Variants in RANBP9 observed in about 807,000 individuals in gnomAD.
RANBP9 encodes ran-binding protein 9.
A neutral mutation model predicts 84.3 loss-of-function variants in RANBP9; 15 were observed. The ratio of observed to expected loss-of-function variants is 0.18; its 90% CI spans 0.12 to 0.27. The LOEUF is 0.27. Among genes scored for constraint, RANBP9 ranks in the 10% least tolerant of loss-of-function variants. The probability of loss-of-function intolerance (pLI) is 1.00; values close to 1 mark genes in which losing one functional copy is unlikely to be tolerated. For missense variants in RANBP9, 809 were observed against 912.8 expected (o/e 0.89, Z 1.46); for synonymous variants, 392 against 349.6 (o/e 1.12, Z -1.35).
intron 2 of RANBP9, among the ~76,000 whole-genome samples, chr6:13,695,826 A>C (rs1470332262): frequency 6.6e-6 from 1 of 152,170 alleles, no homozygotes; most frequent in East Asian, 1.9e-4. Context: ...GAGAATATTC[A>C]GCCGATAAAG....
chr6:13,686,067 C>CT lies in RANBP9; in HGVS notation c.683+10717dup, dbSNP rs913061535. Among the ~76,000 whole-genome samples the CT allele has an allele frequency of 4.5e-5, 6 of 134,778 alleles. No homozygotes were observed. The East Asian group carries it at 7.3e-4, about 16-fold the overall frequency. 88.4% of individuals were successfully genotyped at this position (134,778 alleles called of 152,430 possible). Reference sequence around the variant, plus strand: ...TTTTCTCCCTTACATTTTTTCTGTACTTTTTTTTCTTTCCTGAATTTCCAA... The same window carrying CT: ...TTTTCTCCCTTACATTTTTTCTGTACTTTTTTTTTCTTTCCTGAATTTCCAA... On this transcript the variant is annotated intron_variant, in intron 2 of 13. Coordinates refer to ENST00000011619, the MANE Select transcript of RANBP9 (RefSeq NM_005493.3).
intron 1 of RANBP9, among the ~76,000 whole-genome samples, chr6:13,706,029 G>A (rs904276250): frequency 6.6e-6 from 1 of 152,026 alleles, no homozygotes; most frequent in Non-Finnish European, 1.5e-5. Flanking sequence ...GCTAATGACT[G>A]GGGGTACAGG....
chr6:13,658,270 A>G (rs1460714694), intron 3 of RANBP9, among the ~76,000 whole-genome samples: 4 of 129,464 alleles, frequency 3.1e-5, no homozygotes, highest in African/African-American at 1.1e-4. Flanking sequence ...CATGATATAT[A>G]TACTATATGT....
chr6:13,676,237 AT>A (rs577042360), intron 2 of RANBP9, among the ~76,000 whole-genome samples: 2,009 of 151,278 alleles, frequency 0.013, 21 homozygotes, highest in African/African-American at 0.014. Flanking sequence ...TGCATTCATT[AT>A]TTTTTTTTAT....
At chr6:13,681,673 T>TA (rs1396005002) in intron 2 of RANBP9, among the ~76,000 whole-genome samples, 1 of 152,160 alleles carries the variant, frequency 6.6e-6, no homozygotes, top group Non-Finnish European at 1.5e-5. Flanking sequence ...CCATCCCCAT[T>TA]TAACCACTTC....
rs753343287 is a variant in RANBP9 at position 13,647,529 on chromosome 6, CAT to C, written c.928-2802_928-2801del. Among the ~76,000 whole-genome samples the C allele has an allele frequency of 2.0e-5, 3 of 152,000 alleles. No individual in the cohort carries two copies. In the East Asian group the frequency reaches 5.8e-4, roughly 29 times the overall value. On this transcript the variant is annotated intron_variant, in intron 5 of 13. Coordinates refer to ENST00000011619, the MANE Select transcript of RANBP9 (RefSeq NM_005493.3). ...CTATACACACTAAAGCAAGGTATAA[CAT>C]ATTGTATATGGTATGACCCTATCTT...
intron 4 of RANBP9, among the ~76,000 whole-genome samples, 198 bp downstream of exon 4, chr6:13,656,911 A>C (rs1244200271): frequency 2.0e-5 from 3 of 152,174 alleles, no homozygotes; most frequent in African/African-American, 7.2e-5. Flanking sequence ...TGTATTATAT[A>C]GATGGCCTTC....
rs141676548 is a variant in RANBP9, at chr6:13,672,003, A to G, written c.684-13171T>C. Among the ~76,000 whole-genome samples, 574 of 152,264 alleles carry G rather than the reference A, an allele frequency of 3.8e-3. 3 individuals carry two copies. The highest frequency in any genetic ancestry group is 0.013 in the African/African-American group (559 of 41,554). On this transcript the variant is annotated intron_variant, in intron 2 of 13. Transcript: ENST00000011619. The stretch of plus-strand genomic sequence containing the variant: ...GACATATGGAGCTATATTTACTCTA[A>G]AGCCAATAACTGGAAGGAACACTTT...
intron 1 of RANBP9, among the ~76,000 whole-genome samples, chr6:13,697,790 A>T (rs1757876716): frequency 6.6e-6 from 1 of 152,230 alleles, no homozygotes; most frequent in Non-Finnish European, 1.5e-5. Context: ...TATGAGTGAG[A>T]CAAGTCTCCA....
Position 13,632,378 on chromosome 6 carries a change from T to C in RANBP9, c.1939A>G (p.Met647Val). The C allele has an allele frequency of 1.2e-6, 2 of 1,603,756 alleles. No homozygotes were observed. The highest frequency in any genetic ancestry group is 1.7e-4 in the Middle Eastern group (1 of 6,020). Residue 647 changes from methionine (M) to valine (V), a missense_variant, in exon 12 of 14, where the codon ATG becomes GTG. Coordinates refer to ENST00000011619, the MANE Select transcript of RANBP9 (RefSeq NM_005493.3). ...AGAAAAAATATATTCACCTTCAACA[T>C]TTTTTTGTTTGCAGTGTTCTTGCCA... is the stretch of plus-strand genomic sequence containing the variant. The part of the protein sequence containing the change: ...DCGKNTANKK[M>V]LKDAFSLLAY...
In RANBP9 at chr6:13,647,506, A is replaced by G. The variant is rs146642113; in HGVS notation, c.928-2777T>C. Among the ~76,000 whole-genome samples the G allele has an allele frequency of 2.2e-3, 338 of 152,314 alleles. 4 individuals are homozygous for G. The East Asian group carries it at 0.025, about 11-fold the overall frequency. On this transcript the variant is annotated intron_variant, in intron 5 of 13. Coordinates refer to ENST00000011619, the MANE Select transcript of RANBP9 (RefSeq NM_005493.3). ...ATATATGGACACAGAAAGATGTCCT[A>G]TACACACTAAAGCAAGGTATAACAT... is the stretch of plus-strand genomic sequence containing the variant.
chr6:13,677,953 A>G (rs1765934607), intron 2 of RANBP9, among the ~76,000 whole-genome samples: 1 of 152,064 alleles, frequency 6.6e-6, no homozygotes, highest in Admixed American at 6.6e-5. Flanking sequence ...CCCCGTCTCT[A>G]CATAAAATAT....
At chr6:13,698,813 A>G (rs1031532518) in intron 1 of RANBP9, among the ~76,000 whole-genome samples, 1 of 152,196 alleles carries the variant, frequency 6.6e-6, no homozygotes, top group African/African-American at 2.4e-5. Context: ...CATACTGCTA[A>G]AAGCGAATTC....
intron 2 of RANBP9, among the ~76,000 whole-genome samples, chr6:13,691,662 G>C (rs762613736): frequency 6.0e-5 from 9 of 151,098 alleles, no homozygotes; most frequent in Non-Finnish European, 1.2e-4. Flanking sequence ...TTTTTTGTTT[G>C]TTTGTATGTT....
chr6:13,643,218 A>G (rs535250511), intron 6 of RANBP9, among the ~76,000 whole-genome samples: 1 of 152,324 alleles, frequency 6.6e-6, no homozygotes, highest in South Asian at 2.1e-4. Context: ...GATTTATCAA[A>G]TATGGTTTAC....
At chr6:13,706,728 G>T (rs1026580891) in intron 1 of RANBP9, among the ~76,000 whole-genome samples, 2 of 149,204 alleles carry the variant, frequency 1.3e-5, no homozygotes, top group Non-Finnish European at 3.0e-5. Flanking sequence ...CAGGCCAGGC[G>T]CAGTGGCTCA....
rs1241933518 is a variant in RANBP9 at position 13,711,422 on chromosome 6, G to A, written c.84C>T (p.Ala28=). 2.9e-5 allele frequency: 34 copies of A among 1,191,780 alleles called. No homozygotes were observed. Among genetic ancestry groups the A allele is most frequent in the Admixed American group, 9.0e-5 (2 of 22,280 alleles). The allele number at this position is 1,191,780 out of a possible 1,614,324, so 73.8% of individuals were successfully genotyped here. A position where few individuals can be genotyped will look rare whatever the true frequency, so the allele number is the denominator to read the frequency against. The change falls in exon 1 of 14, where the codon GCC becomes GCT. Residue 28 remains alanine (A), a synonymous_variant. Transcript: ENST00000011619. ...QLSPPPPAAL[A]PVSGVVLPAP... ...CCGGCAGGACGACTCCGGAGACTGG[G>A]GCCAAGGCCGCCGGCGGTGGCGGCG...
intron 2 of RANBP9, among the ~76,000 whole-genome samples, chr6:13,690,292 T>C (rs1324693677): frequency 6.6e-6 from 1 of 152,230 alleles, no homozygotes; most frequent in Non-Finnish European, 1.5e-5. Flanking sequence ...GTGTTCAACA[T>C]ATATTTGTTA....
Position 13,711,098 on chromosome 6 carries a change from C to T in RANBP9, c.408G>A (p.Gly136=). 1.9e-6 allele frequency: 3 copies of T among 1,567,756 alleles called. No homozygotes were observed. The highest frequency in any genetic ancestry group is 2.4e-5 in the East Asian group (1 of 41,976). The stretch of plus-strand genomic sequence containing the variant: ...TCTCCTGCTCGTTCAGGGCCGAGTC[C>T]CCGTGAGGGAAGGGGGCCGCGGCGC... ...GSSAAAPFPH[G]DSALNEQEKE... Residue 136 remains glycine (G), a synonymous_variant, in exon 1 of 14, where the codon GGG becomes GGA. Transcript: ENST00000011619.
Sources: allele counts gnomAD v4.1 joint callset (sites outside exome capture counted in the v4.1 genomes callset), GRCh38; gene constraint gnomAD v4.1.1; transcripts MANE v1.5; gene names NCBI Gene and HGNC (gene_info 2026-07-23, HGNC 2026-07-21).